Variants in B3GNT6 observed in about 807,000 individuals in gnomAD.
The protein encoded by B3GNT6 is acetylgalactosaminyl-O-glycosyl-glycoprotein beta-1,3-N-acetylglucosaminyltransferase.
For missense variants in B3GNT6, 624 were observed against 568.6 expected (o/e 1.10, Z -0.99); for synonymous variants, 300 against 270.0 (o/e 1.11, Z -1.09).
At position 77,039,998 on chromosome 11, in the gene B3GNT6, G is replaced by T; in HGVS notation, c.447G>T (p.Arg149=). The change falls in exon 2 of 2, where the codon CGG becomes CGT. Residue 149 remains arginine (R), a synonymous_variant. Coordinates refer to ENST00000622824, the MANE Select transcript of B3GNT6 (RefSeq NM_138706.5). ...TWGQERSYGG[R]PVRRLFLLGT... Reference sequence around the variant, plus strand: ...GGCAAGAGCGCAGCTACGGCGGGCGGCCAGTGCGCCGCCTCTTTCTATTGG... The same window carrying T: ...GGCAAGAGCGCAGCTACGGCGGGCGTCCAGTGCGCCGCCTCTTTCTATTGG... 6.4e-7 allele frequency: 1 copy of T among 1,574,724 alleles called. No individual in the cohort carries two copies. Among genetic ancestry groups the T allele is most frequent in the Non-Finnish European group, 8.6e-7 (1 of 1,169,078 alleles).
Position 77,040,876 on chromosome 11 carries a change from A to G in B3GNT6, c.*170A>G. On this transcript the variant is annotated 3_prime_UTR_variant, in exon 2 of 2. Coordinates refer to ENST00000622824, the MANE Select transcript of B3GNT6 (RefSeq NM_138706.5). ...TGGAAAATGCCTACATCCTGGCTCC[A>G]TCTCCCGAAGTTTCGATTTGATTAG... 2 of 1,153,574 alleles carry G rather than the reference A, an allele frequency of 1.7e-6. No individual in the cohort carries two copies. Among genetic ancestry groups the G allele is most frequent in the Non-Finnish European group, 2.3e-6 (2 of 865,570 alleles). The allele number at this position is 1,153,574 out of a possible 1,614,324, so 71.5% of individuals were successfully genotyped here.
At chr11:77,035,899 T>C (rs892462775) in intron 1 of B3GNT6, among the ~76,000 whole-genome samples, 3 of 152,250 alleles carry the variant, frequency 2.0e-5, no homozygotes, top group Non-Finnish European at 4.4e-5. Flanking sequence ...CAAGATTTAT[T>C]GTTACATTAA....
chr11:77,035,734 G>A (rs782385424), intron 1 of B3GNT6, among the ~76,000 whole-genome samples: 1 of 152,232 alleles, frequency 6.6e-6, no homozygotes, highest in Admixed American at 6.5e-5. Context: ...AAGCCCTCAG[G>A]CTGCACAGTG....
chr11:77,040,063 T>C lies in B3GNT6; in HGVS notation c.512T>C (p.Leu171Pro). 6.4e-7 allele frequency: 1 copy of C among 1,574,356 alleles called. No homozygotes were observed. ...GPEDEARAER[L>P]AELVALEARE... is the part of the protein sequence containing the mutation. ...GAGGACGAGGCGCGCGCGGAGCGGC[T>C]GGCGGAGCTGGTGGCGCTGGAGGCG... The change falls in exon 2 of 2, where the codon CTG becomes CCG. Residue 171 changes from leucine to proline, a missense_variant. Coordinates refer to ENST00000622824, the MANE Select transcript of B3GNT6 (RefSeq NM_138706.5).
rs782687719 is a variant in B3GNT6, at chr11:77,040,554, C to T, written c.1003C>T (p.Gln335Ter). 4 of 1,581,222 alleles carry T rather than the reference C, an allele frequency of 2.5e-6. No homozygotes were observed. Among genetic ancestry groups the T allele is most frequent in the East Asian group, 2.3e-5 (1 of 43,496 alleles). ...CGAGGGCATCCGACCCTTCGGCGTG[C>T]AGCTGCCTGGCGCACAGCAGTCCTC... is the stretch of plus-strand genomic sequence containing the variant. Reference protein sequence around the residue: ...GHEGIRPFGVQLPGAQQSSFD... With the variant: ...GHEGIRPFGV The change falls in exon 2 of 2, where the codon CAG (glutamine) becomes TAG (stop). Residue 335 changes from glutamine (Q) to a stop codon, truncating the protein, a stop_gained. Transcript: ENST00000622824. LOFTEE classifies it low-confidence loss of function (END_TRUNC).
In B3GNT6 at chr11:77,041,449, C is replaced by T. The variant is rs1370048133; in HGVS notation, c.*743C>T. The T allele has an allele frequency of 1.3e-5, 2 of 152,512 alleles. No individual in the cohort carries two copies. Among genetic ancestry groups the T allele is most frequent in the African/African-American group, 2.4e-5 (1 of 41,462 alleles). 9.4% of individuals were successfully genotyped at this position (152,512 alleles called of 1,614,324 possible). ...GCTAATGGCCTAGTTGGGTCCTGCC[C>T]GCCAATAATCACCCCCACGGGTCAG... On this transcript the variant is annotated 3_prime_UTR_variant, in exon 2 of 2. Transcript: ENST00000622824.
At position 77,040,706 on chromosome 11, in the gene B3GNT6, A is replaced by G; in HGVS notation, c.1155A>G (p.Ter385TrpextTer35). ...GTGACCGGGGACACCGGGTCTCCTG[A>G]GGCCAGTTGGGCGGCTTCAGCCCCG... ...LSCDRGHRVS[*>W] Residue 385 changes from the stop codon to tryptophan, a stop_lost, in exon 2 of 2, where the codon TGA (stop) becomes TGG (tryptophan). Coordinates refer to ENST00000622824, the MANE Select transcript of B3GNT6 (RefSeq NM_138706.5). The G allele has an allele frequency of 6.4e-7, 1 of 1,567,156 alleles. No individual in the cohort carries two copies. The highest frequency in any genetic ancestry group is 8.6e-7 in the Non-Finnish European group (1 of 1,162,416).
chr11:77,039,981 C>G lies in B3GNT6; in HGVS notation c.430C>G (p.Arg144Gly), dbSNP rs1555027530. 2.5e-6 allele frequency: 4 copies of G among 1,588,610 alleles called. No individual in the cohort carries two copies. The highest frequency in any genetic ancestry group is 3.4e-6 in the Non-Finnish European group (4 of 1,175,268). The change falls in exon 2 of 2, where the codon CGC (arginine) becomes GGC (glycine). Residue 144 changes from arginine to glycine, a missense_variant. Arg to Gly is a moderately radical substitution (Grantham distance 125). Coordinates refer to ENST00000622824, the MANE Select transcript of B3GNT6 (RefSeq NM_138706.5). ...ELIRRTWGQE[R>G]SYGGRPVRRL... ...CATCCGGCGCACGTGGGGGCAAGAG[C>G]GCAGCTACGGCGGGCGGCCAGTGCG...
chr11:77,036,459 C>T (rs1236455907), intron 1 of B3GNT6, among the ~76,000 whole-genome samples: 1 of 152,142 alleles, frequency 6.6e-6, no homozygotes, highest in Non-Finnish European at 1.5e-5. Context: ...AATACACAAG[C>T]AATAGGGTTC....
In B3GNT6 at chr11:77,040,355, G is replaced by A. The variant is rs1299163476; in HGVS notation, c.804G>A (p.Pro268=). The change falls in exon 2 of 2, where the codon CCG becomes CCA. Residue 268 remains proline (P), a synonymous_variant. Coordinates refer to ENST00000622824, the MANE Select transcript of B3GNT6 (RefSeq NM_138706.5). Reference sequence around the variant, plus strand: ...GCTGGAGCAAGTACTTCGTGCCGCCGCAGCTCTTCCCCGGGTCCGCTTACC... The same window carrying A: ...GCTGGAGCAAGTACTTCGTGCCGCCACAGCTCTTCCCCGGGTCCGCTTACC... The part of the protein sequence containing the change: ...RDSWSKYFVP[P]QLFPGSAYPV... 3.9e-6 allele frequency: 6 copies of A among 1,541,996 alleles called. No individual in the cohort carries two copies. The highest frequency in any genetic ancestry group is 1.4e-5 in the African/African-American group (1 of 73,134).
intron 1 of B3GNT6, among the ~76,000 whole-genome samples, chr11:77,037,971 GAA>G (rs1565240423): frequency 1.0e-4 from 1 of 9,978 alleles, no homozygotes; most frequent in African/African-American, 1.3e-3. Context: ...GAGGAGGGGG[GAA>G]GGGGAGGGGG....
At position 77,040,373 on chromosome 11, in the gene B3GNT6, C is replaced by G; in HGVS notation, c.822C>G (p.Ser274=). The change falls in exon 2 of 2, where the codon TCC becomes TCG. Residue 274 remains serine (S), a synonymous_variant. Transcript: ENST00000622824. ...TGCCGCCGCAGCTCTTCCCCGGGTC[C>G]GCTTACCCGGTGTACTGCAGCGGCG... ...YFVPPQLFPG[S]AYPVYCSGGG... The G allele has an allele frequency of 3.9e-6, 6 of 1,536,906 alleles. No homozygotes were observed. Among genetic ancestry groups the G allele is most frequent in the Non-Finnish European group, 5.2e-6 (6 of 1,147,294 alleles).
At chr11:77,037,952 G>T (rs1319402539) in intron 1 of B3GNT6, among the ~76,000 whole-genome samples, 3 of 32,544 alleles carry the variant, frequency 9.2e-5, no homozygotes, top group Non-Finnish European at 1.6e-4. Context: ...AGAAGAAGAA[G>T]AAGAAGAAGA....
rs200858833 is a variant in B3GNT6 at position 77,040,066 on chromosome 11, C to T, written c.515C>T (p.Ala172Val). The change falls in exon 2 of 2, where the codon GCG (alanine) becomes GTG (valine). Residue 172 changes from alanine to valine, a missense_variant. By Grantham distance (64) the Ala-to-Val change is moderately conservative (BLOSUM62 0). Coordinates refer to ENST00000622824, the MANE Select transcript of B3GNT6 (RefSeq NM_138706.5). ...PEDEARAERL[A>V]ELVALEAREH... ...GACGAGGCGCGCGCGGAGCGGCTGGCGGAGCTGGTGGCGCTGGAGGCGCGC... is the reference window on the plus strand; with the variant it reads ...GACGAGGCGCGCGCGGAGCGGCTGGTGGAGCTGGTGGCGCTGGAGGCGCGC... 1 of 1,565,498 alleles carries T rather than the reference C, an allele frequency of 6.4e-7. No homozygotes were observed. The highest frequency in any genetic ancestry group is 1.2e-5 in the South Asian group (1 of 86,914).
At chr11:77,034,840 C>T (rs1311405999) in intron 1 of B3GNT6, among the ~76,000 whole-genome samples, 1 of 152,134 alleles carries the variant, frequency 6.6e-6, no homozygotes, top group Non-Finnish European at 1.5e-5. Flanking sequence ...AGGGAATGAC[C>T]AAAGTAGTTC....
Position 77,040,838 on chromosome 11 carries a change from G to A in B3GNT6, c.*132G>A. ...CCCCAGCTGCGCACTGAAATCAGCT[G>A]GGGTGGGGGGTGTGGAAAATGCCTA... On this transcript the variant is annotated 3_prime_UTR_variant, in exon 2 of 2. Coordinates refer to ENST00000622824, the MANE Select transcript of B3GNT6 (RefSeq NM_138706.5). 7.4e-7 allele frequency: 1 copy of A among 1,357,124 alleles called. No individual in the cohort carries two copies. The highest frequency in any genetic ancestry group is 9.6e-7 in the Non-Finnish European group (1 of 1,045,174). The allele number at this position is 1,357,124 out of a possible 1,614,324, so 84.1% of individuals were successfully genotyped here.
Position 77,040,013 on chromosome 11 carries a change from C to G in B3GNT6, c.462C>G (p.Leu154=), listed in dbSNP as rs376893569. ...RSYGGRPVRR[L]FLLGTPGPED... ...ACGGCGGGCGGCCAGTGCGCCGCCT[C>G]TTTCTATTGGGCACCCCGGGCCCCG... Residue 154 remains leucine (L), a synonymous_variant, in exon 2 of 2, where the codon CTC becomes CTG. Coordinates refer to ENST00000622824, the MANE Select transcript of B3GNT6 (RefSeq NM_138706.5). 329 of 1,578,942 alleles carry G rather than the reference C, an allele frequency of 2.1e-4. 1 individual carries two copies. The highest frequency in any genetic ancestry group is 2.0e-4 in the Non-Finnish European group (230 of 1,171,036).
At chr11:77,039,448 G>T in intron 1 of B3GNT6, 104 bp from the exon 2 acceptor site, 1 of 1,492,628 alleles carries the variant, frequency 6.7e-7, no homozygotes, top group Non-Finnish European at 8.9e-7. Flanking sequence ...GAGTTGAGAA[G>T]GGGCTGGAGC....
chr11:77,040,353 C>T lies in B3GNT6; in HGVS notation c.802C>T (p.Pro268Ser). Residue 268 changes from proline (P) to serine (S), a missense_variant, in exon 2 of 2, where the codon CCG becomes TCG. By Grantham distance (74) the Pro-to-Ser change is moderately conservative. Coordinates refer to ENST00000622824, the MANE Select transcript of B3GNT6 (RefSeq NM_138706.5). ...RDSWSKYFVP[P>S]QLFPGSAYPV... Reference sequence around the variant, plus strand: ...CAGCTGGAGCAAGTACTTCGTGCCGCCGCAGCTCTTCCCCGGGTCCGCTTA... The same window carrying T: ...CAGCTGGAGCAAGTACTTCGTGCCGTCGCAGCTCTTCCCCGGGTCCGCTTA... The T allele has an allele frequency of 6.5e-7, 1 of 1,543,244 alleles. No homozygotes were observed. The highest frequency in any genetic ancestry group is 8.7e-7 in the Non-Finnish European group (1 of 1,150,944).
Sources: gnomAD v4.1 joint callset for allele counts (sites outside exome capture counted in the v4.1 genomes callset) on GRCh38, gnomAD v4.1.1 for gene constraint, MANE v1.5 for transcripts, NCBI Gene and HGNC (gene_info 2026-07-23, HGNC 2026-07-21) for gene names.